The following SVOPL variants were observed in gnomAD, a reference collection of about 807,000 sequenced individuals.
SVOPL encodes the protein SVOP like.
In SVOPL, 60 loss-of-function variants were observed where a neutral mutation model predicts 61.0. That is an observed-to-expected ratio of 0.98 (90% CI 0.80 to 1.22). The LOEUF (loss-of-function observed/expected upper bound fraction) is 1.22. Ranked by LOEUF, SVOPL falls within the 50% of genes most tolerant of loss-of-function variation. The probability of loss-of-function intolerance (pLI) is 0.00; values close to 1 mark genes in which losing one functional copy is unlikely to be tolerated. For missense variants in SVOPL, 662 were observed against 643.9 expected (o/e 1.03, Z -0.30); for synonymous variants, 279 against 250.0 (o/e 1.12, Z -1.09).
At chr7:138,697,611 CAAA>C (rs397890852) in intron 1 of SVOPL, among the ~76,000 whole-genome samples, 1,971 of 70,386 alleles carry the variant, frequency 0.028, 28 homozygotes, top group African/African-American at 0.085. Context: ...GACCCTGCCT[CAAA>C]AAAAAAAAAA....
chr7:138,616,388 G>A (rs1414022713), intron 14 of SVOPL, among the ~76,000 whole-genome samples: 2 of 151,338 alleles, frequency 1.3e-5, no homozygotes, highest in African/African-American at 4.9e-5. Context: ...CCAGGCTGGA[G>A]TGCAATGGCA....
At chr7:138,663,644 TCA>T in intron 4 of SVOPL, 5 of 969,588 alleles carry the variant, frequency 5.2e-6, no homozygotes, top group Non-Finnish European at 6.1e-6. Context: ...TTACTCGTTC[TCA>T]CAATGGCCTG....
At chr7:138,612,876 TAGAA>T (rs1799117414) in intron 14 of SVOPL, among the ~76,000 whole-genome samples, 3 of 152,066 alleles carry the variant, frequency 2.0e-5, no homozygotes, top group Admixed American at 2.0e-4. Context: ...TATACTATAA[TAGAA>T]AGGGTTTTCC....
intron 9 of SVOPL, among the ~76,000 whole-genome samples, chr7:138,637,811 G>T (rs1366924900): frequency 6.6e-6 from 1 of 151,592 alleles, no homozygotes; most frequent in Non-Finnish European, 1.5e-5. Context: ...AACTAGCCAG[G>T]CATGGTGGCG....
At chr7:138,643,544 C>T (rs928517981) in intron 9 of SVOPL, among the ~76,000 whole-genome samples, 1 of 151,478 alleles carries the variant, frequency 6.6e-6, no homozygotes, top group African/African-American at 2.4e-5. Flanking sequence ...ATAAGCAAAA[C>T]GTGGCCTATC....
At position 138,679,097 on chromosome 7, in the gene SVOPL, G is replaced by T; in HGVS notation, c.-34-18C>A. ...CAGCTTCCCTGGTGGAAGCAAGGGA[G>T]GGAAGAAGGAAAGAAATATAATGGT... On this transcript the variant is annotated intron_variant, in intron 1 of 15. Transcript: ENST00000674285. 1 of 1,481,650 alleles carries T rather than the reference G, an allele frequency of 6.7e-7. No individual in the cohort carries two copies. The highest frequency in any genetic ancestry group is 9.2e-7 in the Non-Finnish European group (1 of 1,085,742). 91.8% of individuals were successfully genotyped at this position (1,481,650 alleles called of 1,614,324 possible).
At chr7:138,668,631 GAGA>G (rs1802335177) in intron 4 of SVOPL, among the ~76,000 whole-genome samples, 2 of 152,292 alleles carry the variant, frequency 1.3e-5, no homozygotes, top group South Asian at 4.2e-4. Context: ...CATTATCTGA[GAGA>G]AGAACTCCAA....
chr7:138,649,709 G>A lies in SVOPL; in HGVS notation c.535-572C>T, dbSNP rs149770215. On this transcript the variant is annotated intron_variant, in intron 7 of 15. Transcript: ENST00000674285. ...AAAAGTGTGATAGAGTGGGACTTGA[G>A]TCATCAGGGACAATATTGCTAAAGA... Among the ~76,000 whole-genome samples, 671 of 152,312 alleles carry A rather than the reference G, an allele frequency of 4.4e-3. 5 individuals are homozygous for A. The highest frequency in any genetic ancestry group is 0.015 in the African/African-American group (633 of 41,564).
chr7:138,612,508 ATTT>A (rs71178002), intron 14 of SVOPL, among the ~76,000 whole-genome samples: 26,642 of 66,500 alleles, frequency 0.4, 5,747 homozygotes, highest in East Asian at 0.96. Flanking sequence ...GCCAGACTTA[ATTT>A]TTTTTTTTTT....
chr7:138,627,313 C>T (rs566847391), intron 12 of SVOPL, 37 bp downstream of exon 12: 3 of 1,516,588 alleles, frequency 2.0e-6, no homozygotes, highest in Admixed American at 1.7e-5. Flanking sequence ...ATTTAGAAAC[C>T]ACTGCACAAA....
chr7:138,643,256 C>A (rs1198343483), intron 9 of SVOPL, among the ~76,000 whole-genome samples: 1 of 151,908 alleles, frequency 6.6e-6, no homozygotes, highest in Non-Finnish European at 1.5e-5. Flanking sequence ...GAAACCCCGT[C>A]TCTACTAAAA....
rs188525641 is a variant in SVOPL, at chr7:138,620,681, C to T, written c.1353+365G>A. On this transcript the variant is annotated intron_variant, in intron 14 of 15. Coordinates refer to ENST00000674285, the MANE Select transcript of SVOPL (RefSeq NM_001139456.2). ...GCCCTTACTCTCGGGCTCTGTTTTACAGTTGCCACCTGGACAACTGACCAG... is the reference window on the plus strand; with the variant it reads ...GCCCTTACTCTCGGGCTCTGTTTTATAGTTGCCACCTGGACAACTGACCAG... 2.1e-3 allele frequency among the ~76,000 whole-genome samples: 316 copies of T among 152,252 alleles called. 2 individuals carry two copies. The highest frequency in any genetic ancestry group is 7.5e-3 in the African/African-American group (312 of 41,546).
rs1426254758 is a variant in SVOPL, at chr7:138,644,596, C to T, written c.789+121G>A. The T allele has an allele frequency of 4.0e-5, 54 of 1,350,602 alleles. 1 individual carries two copies. The highest frequency in any genetic ancestry group is 8.2e-5 in the South Asian group (5 of 61,074). The allele number at this position is 1,350,602 out of a possible 1,614,324, so 83.7% of individuals were successfully genotyped here. A position where few individuals can be genotyped will look rare whatever the true frequency, so the allele number is the denominator to read the frequency against. ...GTAGCCTCACATCTTTCCTGGCCATCGCCCTGCCTCTCAGACAGGACTAGA... is the reference window on the plus strand; with the variant it reads ...GTAGCCTCACATCTTTCCTGGCCATTGCCCTGCCTCTCAGACAGGACTAGA... On this transcript the variant is annotated intron_variant, in intron 9 of 15. Coordinates refer to ENST00000674285, the MANE Select transcript of SVOPL (RefSeq NM_001139456.2).
At chr7:138,674,547 A>C (rs1301327501) in intron 3 of SVOPL, among the ~76,000 whole-genome samples, 1 of 151,804 alleles carries the variant, frequency 6.6e-6, no homozygotes, top group Non-Finnish European at 1.5e-5. Context: ...TGAGCTGGGG[A>C]GAATTCCCAC....
intron 9 of SVOPL, among the ~76,000 whole-genome samples, chr7:138,643,881 A>G (rs1800960237): frequency 6.6e-6 from 1 of 152,148 alleles, no homozygotes; most frequent in Non-Finnish European, 1.5e-5. Flanking sequence ...TGAACTGTAC[A>G]TTTAAAAACT....
chr7:138,608,522 G>A (rs559786950), intron 14 of SVOPL, among the ~76,000 whole-genome samples: 312 of 152,242 alleles, frequency 2.0e-3, no homozygotes, highest in African/African-American at 7.0e-3. Context: ...AGCTGTTTCC[G>A]GCATTGGACC....
chr7:138,599,185 C>A, intron 14 of SVOPL, among the ~76,000 whole-genome samples: 1 of 112,678 alleles, frequency 8.9e-6, no homozygotes. Flanking sequence ...ACAGAAATGT[C>A]AAAAGACAAA....
chr7:138,596,688 A>G (rs1798295999), intron 14 of SVOPL, 158 bp from the exon 15 acceptor site: 16 of 1,367,548 alleles, frequency 1.2e-5, no homozygotes, highest in Non-Finnish European at 1.4e-5. Flanking sequence ...ATCTGAGCCA[A>G]TCTGGTGTAG....
intron 1 of SVOPL, among the ~76,000 whole-genome samples, chr7:138,680,758 TTAG>T (rs1002734361): frequency 1.3e-5 from 2 of 152,122 alleles, no homozygotes; most frequent in African/African-American, 4.8e-5. Flanking sequence ...TTTTGTATTT[TTAG>T]TAGACACGGA....
Sources: gnomAD v4.1 joint callset for allele counts (sites outside exome capture counted in the v4.1 genomes callset) on GRCh38, gnomAD v4.1.1 for gene constraint, MANE v1.5 for transcripts, NCBI Gene and HGNC (gene_info 2026-07-23, HGNC 2026-07-21) for gene names.